The following LDLRAP1 variants were observed in gnomAD, a reference collection of about 807,000 sequenced individuals.
LDLRAP1 encodes low density lipoprotein receptor adaptor protein 1.
LDLRAP1 carries 30 observed loss-of-function variants against 37.8 expected under a neutral mutation model. That is an observed-to-expected ratio of 0.79 (90% CI 0.59 to 1.08). The LOEUF is 1.08. Ranked by LOEUF, LDLRAP1 falls within the 50% of genes least tolerant of loss-of-function variation. The probability of loss-of-function intolerance (pLI) is 0.00; values close to 1 mark genes in which losing one functional copy is unlikely to be tolerated. For synonymous variants in LDLRAP1, 156 were observed against 169.8 expected (o/e 0.92, Z 0.63); for missense variants, 375 against 401.6 (o/e 0.93, Z 0.57).
At position 25,553,968 on chromosome 1, in the gene LDLRAP1, G is replaced by T. The variant is rs766821850; in HGVS notation, c.135G>T (p.Gly45=). 1 of 1,614,076 alleles carries T rather than the reference G, an allele frequency of 6.2e-7. No individual in the cohort carries two copies. Among genetic ancestry groups the T allele is most frequent in the South Asian group, 1.1e-5 (1 of 91,082 alleles). The change falls in exon 2 of 9, where the codon GGG becomes GGT. Residue 45 remains glycine, a synonymous_variant. Transcript: ENST00000374338. The part of the protein sequence containing the change: ...WTDTRETLLE[G]MLFSLKYLGM... The stretch of plus-strand genomic sequence containing the variant: ...ACACGCGGGAGACGCTGCTGGAGGG[G>T]ATGCTGTTCAGCCTCAAGTACCTGG...
chr1:25,586,595 T>C, the LDLRAP1 span, among the ~76,000 whole-genome samples: 1 of 151,960 alleles, frequency 6.6e-6, no homozygotes, highest in Admixed American at 6.6e-5. This position sits in a 1 kb window ranked among gnomAD's most constrained non-coding sequence, Gnocchi z 4.3. Flanking sequence ...CGTGTGTGTG[T>C]GTGTATGTGT....
intron 5 of LDLRAP1, 151 bp from the exon 6 acceptor site, chr1:25,562,919 T>TTAA: frequency 1.2e-6 from 1 of 862,218 alleles, no homozygotes; most frequent in Non-Finnish European, 2.0e-6. Context: ...CTTGTGAGGA[T>TTAA]TAACTGACAT....
Position 25,553,981 on chromosome 1 carries a change from C to T in LDLRAP1, c.148C>T (p.Leu50Phe), listed in dbSNP as rs2044140050. Residue 50 changes from leucine to phenylalanine, a missense_variant, in exon 2 of 9, where the codon CTC becomes TTC. Physicochemically the swap from Leu to Phe is conservative, Grantham distance 22. Transcript: ENST00000374338. The stretch of plus-strand genomic sequence containing the variant: ...GCTGCTGGAGGGGATGCTGTTCAGC[C>T]TCAAGTACCTGGGCATGACGCTAGT... ...ETLLEGMLFS[L>F]KYLGMTLVEQ... 4 of 1,613,968 alleles carry T rather than the reference C, an allele frequency of 2.5e-6. No individual in the cohort carries two copies. The highest frequency in any genetic ancestry group is 1.7e-5 in the Admixed American group (1 of 60,002).
chr1:25,564,516 A>G (rs908961977), intron 7 of LDLRAP1: 1 of 155,572 alleles, frequency 6.4e-6, no homozygotes, highest in African/African-American at 2.4e-5. Flanking sequence ...CCCAGGATCC[A>G]TTGCAGAATC....
rs1339333644 is a variant in LDLRAP1 at position 25,555,074 on chromosome 1, T to C, written c.344+102T>C. 5.9e-6 allele frequency: 5 copies of C among 850,468 alleles called. No individual in the cohort carries two copies. The highest frequency in any genetic ancestry group is 1.7e-5 in the African/African-American group (1 of 60,226). 52.7% of individuals were successfully genotyped at this position (850,468 alleles called of 1,614,324 possible). On this transcript the variant is annotated intron_variant, in intron 3 of 8. Coordinates refer to ENST00000374338, the MANE Select transcript of LDLRAP1 (RefSeq NM_015627.3). This position sits in a 1 kb window ranked among gnomAD's most constrained non-coding sequence, Gnocchi z 4.7. ...TCTACCACTTCCTACCTGGGTGACA[T>C]TGGAGCCTCAGTTTCCTCATCTGTA...
At chr1:25,566,734 G>A in intron 8 of LDLRAP1, 114 bp from the exon 9 acceptor site, 2 of 1,308,098 alleles carry the variant, frequency 1.5e-6, no homozygotes, top group South Asian at 1.3e-5. Flanking sequence ...TGCACCGGGG[G>A]CTTCCTTCTT....
downstream of LDLRAP1, among the ~76,000 whole-genome samples, chr1:25,571,204 G>A (rs2044601075): frequency 6.6e-6 from 1 of 152,266 alleles, no homozygotes; most frequent in African/African-American, 2.4e-5. Flanking sequence ...CTGCTGGCCA[G>A]TGGGTGTCTC....
intron 4 of LDLRAP1, among the ~76,000 whole-genome samples, chr1:25,561,431 T>G (rs1226317886): frequency 6.6e-6 from 1 of 152,218 alleles, no homozygotes; most frequent in Non-Finnish European, 1.5e-5. Context: ...TTAAATATTT[T>G]TTTAAAAGGA....
the LDLRAP1 span, chr1:25,590,301 G>A: frequency 6.6e-6 from 1 of 152,198 alleles, no homozygotes; most frequent in African/African-American, 2.4e-5. Flanking sequence ...GACTGGCCTG[G>A]TCCAGCAGAG....
At chr1:25,548,724 A>C (rs974132932) in intron 1 of LDLRAP1, among the ~76,000 whole-genome samples, 6 of 152,144 alleles carry the variant, frequency 3.9e-5, no homozygotes, top group African/African-American at 1.4e-4. Flanking sequence ...CCCAGGCTGG[A>C]ATGCAGTGAT....
intron 7 of LDLRAP1, 84 bp downstream of exon 7, chr1:25,563,875 GGGACC>G: frequency 6.3e-7 from 1 of 1,585,018 alleles, no homozygotes; most frequent in Non-Finnish European, 8.6e-7. Flanking sequence ...ACCAGGCCCT[GGGACC>G]CGTGACTTGT....
At chr1:25,583,253 C>T in the LDLRAP1 span, among the ~76,000 whole-genome samples, 4 of 148,678 alleles carry the variant, frequency 2.7e-5, no homozygotes, top group Non-Finnish European at 5.9e-5. Context: ...GCAGTGGAGC[C>T]ATCTCAGCTC....
chr1:25,543,696 G>T lies in LDLRAP1; in HGVS notation c.-3G>T. 8.2e-7 allele frequency: 1 copy of T among 1,215,074 alleles called. No homozygotes were observed. Among genetic ancestry groups the T allele is most frequent in the South Asian group, 4.1e-5 (1 of 24,398 alleles). The allele number at this position is 1,215,074 out of a possible 1,614,324, so 75.3% of individuals were successfully genotyped here. Reference sequence around the variant, plus strand: ...GCAGCGGCGGCGGCGGCCGGAGCGGGCCATGGACGCGCTCAAGTCGGCGGG... The same window carrying T: ...GCAGCGGCGGCGGCGGCCGGAGCGGTCCATGGACGCGCTCAAGTCGGCGGG... On this transcript the variant is annotated 5_prime_UTR_variant, in exon 1 of 9. Transcript: ENST00000374338.
chr1:25,558,982 T>C (rs904775031), intron 4 of LDLRAP1, among the ~76,000 whole-genome samples: 1 of 152,142 alleles, frequency 6.6e-6, no homozygotes, highest in Non-Finnish European at 1.5e-5. Flanking sequence ...TGCTTGCCTA[T>C]CAGCAGAATG....
chr1:25,563,108 G>T lies in LDLRAP1; in HGVS notation c.571G>T (p.Asp191Tyr). The T allele has an allele frequency of 6.2e-7, 1 of 1,614,140 alleles. No individual in the cohort carries two copies. Among genetic ancestry groups the T allele is most frequent in the Non-Finnish European group, 8.5e-7 (1 of 1,180,030 alleles). Residue 191 changes from aspartate to tyrosine, a missense_variant, in exon 6 of 9, where the codon GAC becomes TAC. By Grantham distance (160) the Asp-to-Tyr change is radical (BLOSUM62 -3). Coordinates refer to ENST00000374338, the MANE Select transcript of LDLRAP1 (RefSeq NM_015627.3). ...GGACAAAGCCAGCCAAGAGGGAGGG[G>T]ACGTCCTGGGGGCCCGCCAAGACTG... ...KRDKASQEGG[D>Y]VLGARQDCTP...
chr1:25,567,054 C>T lies in LDLRAP1; in HGVS notation c.*62C>T, dbSNP rs572888823. On this transcript the variant is annotated 3_prime_UTR_variant, in exon 9 of 9. Transcript: ENST00000374338. ...CGTGATGGACCAAAGCCACCTGCTG[C>T]GGGGGAGCCAGTTCTGGGGCCCGCC... 39 of 1,605,150 alleles carry T rather than the reference C, an allele frequency of 2.4e-5. No individual in the cohort carries two copies. Among genetic ancestry groups the T allele is most frequent in the Admixed American group, 1.7e-4 (10 of 59,784 alleles).
chr1:25,576,939 G>A, the LDLRAP1 span, among the ~76,000 whole-genome samples: 4 of 152,166 alleles, frequency 2.6e-5, no homozygotes, highest in Non-Finnish European at 5.9e-5. Context: ...AGGAGCCAGC[G>A]GTGGGGTTCA....
intron 7 of LDLRAP1, 150 bp from the exon 8 acceptor site, chr1:25,565,023 C>A: frequency 1.3e-6 from 1 of 792,050 alleles, no homozygotes. Context: ...TGCACCCAGG[C>A]AGGAGGCCTG....
In LDLRAP1 at chr1:25,563,710, G is replaced by A. The variant is rs1247328221; in HGVS notation, c.666G>A (p.Pro222=). Residue 222 remains proline (P), a synonymous_variant, in exon 7 of 9, where the codon CCG becomes CCA. Coordinates refer to ENST00000374338, the MANE Select transcript of LDLRAP1 (RefSeq NM_015627.3). The part of the protein sequence containing the change: ...LLDLEETAKA[P]LSTVSANTTN... ...ACTTAGAGGAGACAGCTAAGGCCCC[G>A]CTGTCCACGGTCAGCGCCAACACCA... 1.4e-5 allele frequency: 22 copies of A among 1,613,856 alleles called. No individual in the cohort carries two copies. The highest frequency in any genetic ancestry group is 2.2e-5 in the East Asian group (1 of 44,886).
Sources: gnomAD v4.1 joint callset for allele counts (sites outside exome capture counted in the v4.1 genomes callset) on GRCh38, gnomAD v4.1.1 for gene constraint, Gnocchi (gnomAD v3.1) non-coding constraint, MANE v1.5 for transcripts, NCBI Gene and HGNC (gene_info 2026-07-23, HGNC 2026-07-21) for gene names.